C8orf34: variants seen among roughly 807,000 people sequenced by gnomAD.
C8orf34 encodes the protein chromosome 8 open reading frame 34, also known as uncharacterized protein C8orf34.
In C8orf34, 65 loss-of-function variants were observed where a neutral mutation model predicts 68.3. That is an observed-to-expected ratio of 0.95 (90% CI 0.78 to 1.17). The LOEUF (loss-of-function observed/expected upper bound fraction) is 1.17, where lower values mean the gene tolerates loss of function less well. Ranked by LOEUF, C8orf34 falls within the 50% of genes most tolerant of loss-of-function variation. C8orf34 has a pLI of 0.00. For missense variants in C8orf34, 664 were observed against 655.4 expected, an observed-to-expected ratio of 1.01 and a Z score of -0.14; for synonymous variants, 244 against 241.2, an observed-to-expected ratio of 1.01 and a Z score of -0.11.
intron 8 of C8orf34, among the ~76,000 whole-genome samples, chr8:68,674,227 C>T (rs1820109197): frequency 6.6e-6 from 1 of 152,132 alleles, no homozygotes; most frequent in East Asian, 1.9e-4. Flanking sequence ...TCTAATTCTT[C>T]AATGCCCAGA....
intron 3 of C8orf34, among the ~76,000 whole-genome samples, chr8:68,452,847 A>G (rs1437408525): frequency 2.0e-5 from 3 of 151,476 alleles, no homozygotes; most frequent in Middle Eastern, 6.8e-3. Flanking sequence ...TGCCAAATCC[A>G]AGGTCATAAT....
At chr8:68,490,545 G>C (rs2890430) in intron 5 of C8orf34, among the ~76,000 whole-genome samples, 49,205 of 151,954 alleles carry the variant, frequency 0.32, 8,498 homozygotes, top group Middle Eastern at 0.38. Context: ...TAACTAAATT[G>C]TATGACACTG....
intron 1 of C8orf34, among the ~76,000 whole-genome samples, chr8:68,421,451 A>G (rs1457595847): frequency 1.3e-5 from 2 of 152,256 alleles, no homozygotes; most frequent in African/African-American, 4.8e-5. Flanking sequence ...CCAAAGGACC[A>G]GGAAACCCTA....
intron 3 of C8orf34, among the ~76,000 whole-genome samples, chr8:68,450,368 C>A (rs1282074046): frequency 2.6e-5 from 4 of 152,070 alleles, no homozygotes; most frequent in Non-Finnish European, 5.9e-5. Context: ...TTGATCTCCT[C>A]CCATGAATCA....
chr8:68,589,110 G>C, intron 7 of C8orf34, among the ~76,000 whole-genome samples: 1 of 152,174 alleles, frequency 6.6e-6, no homozygotes, highest in Non-Finnish European at 1.5e-5. Flanking sequence ...CAAATAAATC[G>C]GCTACCAATC....
intron 7 of C8orf34, among the ~76,000 whole-genome samples, chr8:68,615,958 C>CA (rs1818197345): frequency 6.6e-6 from 1 of 151,056 alleles, no homozygotes; most frequent in South Asian, 2.1e-4. Context: ...ATTATTGCCA[C>CA]AATTTCAGAG....
Position 68,483,537 on chromosome 8 carries a change from GT to G in C8orf34, c.737-4482del, listed in dbSNP as rs573446984. ...ACTGAAGTACGATAGCATCAAGGTT[GT>G]TTTGACCTAATGGCAGGATTTATGG... On this transcript the variant is annotated intron_variant, in intron 4 of 13. Coordinates refer to ENST00000518698, the MANE Select transcript of C8orf34 (RefSeq NM_052958.4). Among the ~76,000 whole-genome samples, 191 of 152,234 alleles carry G rather than the reference GT, an allele frequency of 1.3e-3. 1 individual carries two copies. Among genetic ancestry groups the G allele is most frequent in the African/African-American group, 4.5e-3 (185 of 41,516 alleles).
intron 10 of C8orf34, among the ~76,000 whole-genome samples, chr8:68,746,187 T>G (rs200504723): frequency 6.6e-6 from 1 of 152,004 alleles, no homozygotes; most frequent in East Asian, 1.9e-4. Flanking sequence ...TTGAAACCAA[T>G]GAGAACAAAC....
In C8orf34 at chr8:68,331,207, C is replaced by G. The variant is rs568738383; in HGVS notation, c.195C>G (p.Val65=). The G allele has an allele frequency of 2.8e-4, 426 of 1,535,522 alleles. 5 individuals carry two copies. In the South Asian group the frequency reaches 4.8e-3, roughly 17 times the overall value. ...CCAGTCCGGGTAAAAGGAGGGTTGTCCCCAGCGGAGGCGCACAGCCGCGCG... is the reference window on the plus strand; with the variant it reads ...CCAGTCCGGGTAAAAGGAGGGTTGTGCCCAGCGGAGGCGCACAGCCGCGCG... ...PGPSPGKRRV[V]PSGGAQPRVL... Residue 65 remains valine, a synonymous_variant, in exon 1 of 14, where the codon GTC becomes GTG. Coordinates refer to ENST00000518698, the MANE Select transcript of C8orf34 (RefSeq NM_052958.4).
chr8:68,763,979 T>C (rs1823096390), intron 10 of C8orf34, among the ~76,000 whole-genome samples: 1 of 152,144 alleles, frequency 6.6e-6, no homozygotes, highest in Non-Finnish European at 1.5e-5. Flanking sequence ...AGAATCCCTT[T>C]CACTAGAGAT....
chr8:68,493,081 A>G (rs1187182547), intron 5 of C8orf34, among the ~76,000 whole-genome samples: 1 of 152,214 alleles, frequency 6.6e-6, no homozygotes, highest in Non-Finnish European at 1.5e-5. Flanking sequence ...ATTTCCAAGA[A>G]GTATATGGGA....
At chr8:68,696,813 T>G (rs1820848298) in intron 8 of C8orf34, among the ~76,000 whole-genome samples, 1 of 152,112 alleles carries the variant, frequency 6.6e-6, no homozygotes, top group South Asian at 2.1e-4. Context: ...TATAATTGAT[T>G]TGCTTTATAT....
At chr8:68,688,593 G>A (rs559345993) in intron 8 of C8orf34, among the ~76,000 whole-genome samples, 1 of 152,120 alleles carries the variant, frequency 6.6e-6, no homozygotes, top group South Asian at 2.1e-4. Flanking sequence ...CCAAATGCTC[G>A]TTAATGATAG....
chr8:68,552,944 T>G (rs1243737237), intron 7 of C8orf34, among the ~76,000 whole-genome samples: 1 of 152,202 alleles, frequency 6.6e-6, no homozygotes, highest in Non-Finnish European at 1.5e-5. Flanking sequence ...TTTTATATGT[T>G]GCTGAATTCA....
chr8:68,635,045 C>T (rs1450570517), intron 7 of C8orf34, among the ~76,000 whole-genome samples: 1 of 152,242 alleles, frequency 6.6e-6, no homozygotes, highest in East Asian at 1.9e-4. Context: ...AAAAGAGGTG[C>T]TATCCAGATG....
chr8:68,473,492 G>A (rs1812469844), intron 4 of C8orf34, among the ~76,000 whole-genome samples: 1 of 152,126 alleles, frequency 6.6e-6, no homozygotes, highest in Admixed American at 6.5e-5. Flanking sequence ...AACATCCCTA[G>A]TCCCAGATAG....
chr8:68,632,638 C>T (rs933027974), intron 7 of C8orf34, among the ~76,000 whole-genome samples: 4 of 152,122 alleles, frequency 2.6e-5, no homozygotes, highest in African/African-American at 9.7e-5. Context: ...AGCCTGGCAG[C>T]CTAGTAGGGA....
chr8:68,387,020 A>C (rs76792518), intron 1 of C8orf34, among the ~76,000 whole-genome samples: 4,194 of 152,034 alleles, frequency 0.028, 73 homozygotes, highest in Middle Eastern at 0.065. Flanking sequence ...TAACTGAGGT[A>C]TTCCAAGCTG....
chr8:68,460,425 T>G (rs1203451823), intron 3 of C8orf34, among the ~76,000 whole-genome samples: 2 of 152,178 alleles, frequency 1.3e-5, no homozygotes, highest in African/African-American at 4.8e-5. Context: ...GTCTGACAGC[T>G]TTGAAGAGAG....
Sources: gnomAD v4.1 joint callset for allele counts (sites outside exome capture counted in the v4.1 genomes callset) on GRCh38, gnomAD v4.1.1 for gene constraint, MANE v1.5 for transcripts, NCBI Gene and HGNC (gene_info 2026-07-23, HGNC 2026-07-21) for gene names.